The following TFAP2D variants were observed in gnomAD, a reference collection of about 807,000 sequenced individuals.
TFAP2D encodes transcription factor AP-2-delta.
TFAP2D carries 9 observed loss-of-function variants against 43.6 expected under a neutral mutation model. That is an observed-to-expected ratio of 0.21 (90% CI 0.12 to 0.36). The LOEUF (loss-of-function observed/expected upper bound fraction) is 0.36, where lower values mean the gene tolerates loss of function less well. Among genes scored for constraint, TFAP2D ranks in the 10% least tolerant of loss-of-function variants. TFAP2D has a pLI of 1.00. For missense variants in TFAP2D, 513 were observed against 561.4 expected (o/e 0.91, Z 0.87); for synonymous variants, 256 against 224.9 (o/e 1.14, Z -1.24).
chr6:50,724,583 G>A (rs1185432680), intron 3 of TFAP2D, among the ~76,000 whole-genome samples: 1 of 152,144 alleles, frequency 6.6e-6, no homozygotes, highest in Non-Finnish European at 1.5e-5. Flanking sequence ...TGAGACGGGG[G>A]AGGCGCGGAG....
intron 5 of TFAP2D, among the ~76,000 whole-genome samples, chr6:50,735,449 T>C (rs1051011765): frequency 2.6e-4 from 39 of 152,192 alleles, no homozygotes; most frequent in African/African-American, 9.2e-4. Flanking sequence ...AACTTTCTTA[T>C]GTCCAAGCTT....
chr6:50,750,319 A>G (rs965106894), intron 6 of TFAP2D, among the ~76,000 whole-genome samples: 7 of 151,944 alleles, frequency 4.6e-5, no homozygotes, highest in Non-Finnish European at 7.4e-5. Flanking sequence ...CAAAAAACCT[A>G]ATTACTGTCA....
intron 7 of TFAP2D, among the ~76,000 whole-genome samples, chr6:50,772,220 C>T (rs1769538740): frequency 6.6e-6 from 1 of 151,720 alleles, no homozygotes; most frequent in Admixed American, 6.6e-5. Flanking sequence ...GGAAGGGGAA[C>T]TCACACACCG....
intron 2 of TFAP2D, 78 bp downstream of exon 2, chr6:50,715,691 G>A: frequency 6.9e-7 from 1 of 1,458,188 alleles, no homozygotes; most frequent in South Asian, 1.3e-5. Flanking sequence ...TGCTCCGACT[G>A]TAAAGCGTCT....
chr6:50,766,654 C>CTTTGTT (rs1769446157), intron 7 of TFAP2D, among the ~76,000 whole-genome samples: 1 of 57,384 alleles, frequency 1.7e-5, no homozygotes, highest in Non-Finnish European at 3.5e-5. Flanking sequence ...AGATTGCTTT[C>CTTTGTT]TTTTTTTTTT....
intron 7 of TFAP2D, among the ~76,000 whole-genome samples, chr6:50,765,169 A>G (rs2113894059): frequency 6.6e-6 from 1 of 152,252 alleles, no homozygotes; most frequent in South Asian, 2.1e-4. Context: ...TATAAATGAC[A>G]CCATACAGTA....
intron 6 of TFAP2D, among the ~76,000 whole-genome samples, chr6:50,750,057 A>G (rs1027015385): frequency 1.3e-5 from 2 of 151,932 alleles, no homozygotes; most frequent in African/African-American, 2.4e-5. Context: ...ATGGAATTCA[A>G]TAAATTTTAG....
Position 50,713,896 on chromosome 6 carries a change from G to A in TFAP2D, c.-160G>A. The A allele has an allele frequency of 9.2e-7, 1 of 1,089,784 alleles. No homozygotes were observed. Among genetic ancestry groups the A allele is most frequent in the Non-Finnish European group, 1.3e-6 (1 of 745,072 alleles). The allele number at this position is 1,089,784 out of a possible 1,614,324, so 67.5% of individuals were successfully genotyped here. A position where few individuals can be genotyped will look rare whatever the true frequency, so the allele number is the denominator to read the frequency against. ...TTTTTAAGTGGGTACGAGGCAAGGA[G>A]CTATCTGATCCGGGCAAAACCATTA... On this transcript the variant is annotated 5_prime_UTR_variant, in exon 1 of 8. Transcript: ENST00000008391.
At chr6:50,755,549 G>A (rs1320988252) in intron 7 of TFAP2D, among the ~76,000 whole-genome samples, 5 of 151,854 alleles carry the variant, frequency 3.3e-5, no homozygotes, top group Non-Finnish European at 7.4e-5. Context: ...AGTTGATTCT[G>A]ATAGGTAGGT....
At chr6:50,750,621 C>G (rs1018398588) in intron 6 of TFAP2D, among the ~76,000 whole-genome samples, 1 of 151,804 alleles carries the variant, frequency 6.6e-6, no homozygotes, top group African/African-American at 2.4e-5. Flanking sequence ...GAAAAGTTAC[C>G]TTGAGGGTAA....
chr6:50,738,056 T>A (rs2114044774), intron 5 of TFAP2D, among the ~76,000 whole-genome samples: 1 of 152,296 alleles, frequency 6.6e-6, no homozygotes, highest in East Asian at 1.9e-4. Context: ...AGCATTGACA[T>A]TATAGTACTT....
At chr6:50,744,144 C>A (rs1228751206) in intron 5 of TFAP2D, among the ~76,000 whole-genome samples, 1 of 152,054 alleles carries the variant, frequency 6.6e-6, no homozygotes, top group African/African-American at 2.4e-5. Context: ...TTTCATCACC[C>A]AGGTAATAAG....
chr6:50,742,288 G>A (rs1769056583), intron 5 of TFAP2D, among the ~76,000 whole-genome samples: 1 of 151,896 alleles, frequency 6.6e-6, no homozygotes, highest in East Asian at 1.9e-4. Context: ...ATCACAAGCA[G>A]GAGAAAGCAG....
chr6:50,727,465 T>C (rs1030745375), intron 3 of TFAP2D, among the ~76,000 whole-genome samples: 2 of 152,198 alleles, frequency 1.3e-5, no homozygotes, highest in African/African-American at 4.8e-5. Context: ...AGGCAAGTGG[T>C]AAGTCCTAGT....
intron 5 of TFAP2D, among the ~76,000 whole-genome samples, chr6:50,734,342 T>C (rs2114041895): frequency 6.6e-6 from 1 of 152,168 alleles, no homozygotes; most frequent in Middle Eastern, 3.4e-3. Flanking sequence ...CTGAGCTTCA[T>C]TTTCCTAATT....
rs149503577 is a variant in TFAP2D at position 50,772,672 on chromosome 6, G to A, written c.1167G>A (p.Pro389=). 106 of 1,613,766 alleles carry A rather than the reference G, an allele frequency of 6.6e-5. No individual in the cohort carries two copies. The highest frequency in any genetic ancestry group is 1.2e-4 in the South Asian group (11 of 91,058). The part of the protein sequence containing the change: ...FSLITHGFGT[P]AICAALSTFQ... The stretch of plus-strand genomic sequence containing the variant: ...TGATCACTCATGGCTTTGGGACTCC[G>A]GCAATATGTGCAGCTCTAAGCACTT... The change falls in exon 8 of 8, where the codon CCG becomes CCA. Residue 389 remains proline (P), a synonymous_variant. Transcript: ENST00000008391.
At chr6:50,729,119 A>G in intron 4 of TFAP2D, 75 bp from the exon 5 acceptor site, 1 of 1,602,574 alleles carries the variant, frequency 6.2e-7, no homozygotes, top group Non-Finnish European at 8.5e-7. Context: ...TGTATTCCCC[A>G]TGTGGTCAAG....
intron 7 of TFAP2D, among the ~76,000 whole-genome samples, chr6:50,770,909 A>G (rs1241518583): frequency 2.6e-5 from 4 of 152,146 alleles, no homozygotes; most frequent in Non-Finnish European, 5.9e-5. Flanking sequence ...TATATATTAT[A>G]ACATGGGCAT....
intron 5 of TFAP2D, among the ~76,000 whole-genome samples, chr6:50,742,814 T>C (rs923388049): frequency 6.6e-6 from 1 of 152,126 alleles, no homozygotes; most frequent in African/African-American, 2.4e-5. Context: ...GTTTATCCTC[T>C]GGTCAGGTGC....
Sources: gnomAD v4.1 joint callset for allele counts (sites outside exome capture counted in the v4.1 genomes callset) on GRCh38, gnomAD v4.1.1 for gene constraint, MANE v1.5 for transcripts, NCBI Gene and HGNC (gene_info 2026-07-23, HGNC 2026-07-21) for gene names.